Variants in FRZB observed in about 807,000 individuals in gnomAD.
The protein encoded by FRZB is secreted frizzled-related protein 3.
FRZB carries 34 observed loss-of-function variants against 32.5 expected under a neutral mutation model. The ratio of observed to expected loss-of-function variants is 1.05; its 90% CI spans 0.80 to 1.39. FRZB has a LOEUF of 1.39. Ranked by LOEUF, FRZB falls within the 40% of genes most tolerant of loss-of-function variation. The probability of loss-of-function intolerance (pLI) is 0.00; values close to 1 mark genes in which losing one functional copy is unlikely to be tolerated. For synonymous variants in FRZB, 170 were observed against 159.2 expected (o/e 1.07, Z -0.51); for missense variants, 423 against 424.8 (o/e 1.00, Z 0.04).
chr2:182,866,381 G>A lies in FRZB; in HGVS notation c.172C>T (p.His58Tyr), dbSNP rs773655736. 68 of 1,613,052 alleles carry A rather than the reference G, an allele frequency of 4.2e-5. No homozygotes were observed. Among genetic ancestry groups the A allele is most frequent in the Non-Finnish European group, 3.6e-5 (43 of 1,179,254 alleles). ...ATGGCGTTGGCCTGAGTGCTGTGGTGCAGGTGGTTGGGCATCTTAGTCATG... is the reference window on the plus strand; with the variant it reads ...ATGGCGTTGGCCTGAGTGCTGTGGTACAGGTGGTTGGGCATCTTAGTCATG... ...WNMTKMPNHLHHSTQANAILA... is the reference protein window; with the variant it reads ...WNMTKMPNHLYHSTQANAILA... The change falls in exon 1 of 6, where the codon CAC becomes TAC. Residue 58 changes from histidine (H) to tyrosine (Y), a missense_variant. His to Tyr is a moderately conservative substitution (Grantham distance 83). Transcript: ENST00000295113. The surrounding 1 kb of genome is among the most constrained non-coding windows in gnomAD (Gnocchi z 4.5).
At chr2:182,858,742 A>G in intron 2 of FRZB, 44 bp downstream of exon 2, 1 of 1,481,434 alleles carries the variant, frequency 6.8e-7, no homozygotes, top group Non-Finnish European at 9.4e-7. Flanking sequence ...ATCAATGACT[A>G]ATCTGACCAC....
intron 2 of FRZB, among the ~76,000 whole-genome samples, chr2:182,851,833 C>G (rs909148716): frequency 6.6e-6 from 1 of 152,104 alleles, no homozygotes; most frequent in Non-Finnish European, 1.5e-5. Flanking sequence ...GCTTGATGAA[C>G]TCCAACAGGA....
chr2:182,834,753 A>G lies in FRZB; in HGVS notation c.*96T>C. On this transcript the variant is annotated 3_prime_UTR_variant, in exon 6 of 6. Transcript: ENST00000295113. ...CATGATTTTTATAGTAAACAATAGA[A>G]TATGATGTGCAATAGTGCAATTTTC... The G allele has an allele frequency of 1.2e-6, 1 of 831,234 alleles. No homozygotes were observed. 51.5% of individuals were successfully genotyped at this position (831,234 alleles called of 1,614,324 possible). A position where few individuals can be genotyped will look rare whatever the true frequency, so the allele number is the denominator to read the frequency against.
chr2:182,866,136 C>T lies in FRZB; in HGVS notation c.417G>A (p.Leu139=). The T allele has an allele frequency of 6.2e-7, 1 of 1,614,066 alleles. No homozygotes were observed. The highest frequency in any genetic ancestry group is 8.5e-7 in the Non-Finnish European group (1 of 1,179,994). The change falls in exon 1 of 6, where the codon CTG becomes CTA. Residue 139 remains leucine (L), a synonymous_variant. Coordinates refer to ENST00000295113, the MANE Select transcript of FRZB (RefSeq NM_001463.4). The surrounding 1 kb of genome is among the most constrained non-coding windows in gnomAD (Gnocchi z 4.5). ...TGCACACGCCCCTGTCGTACACTGG[C>T]AGCTCCTCGCAGGCCAGGTTCTCCG... ...SWPENLACEE[L]PVYDRGVCIS...
intron 1 of FRZB, among the ~76,000 whole-genome samples, chr2:182,859,959 G>C (rs1292214030): frequency 1.3e-5 from 2 of 152,144 alleles, no homozygotes; most frequent in African/African-American, 4.8e-5. Flanking sequence ...ACAGTAACGT[G>C]CCAGTGGTTT....
intron 2 of FRZB, 79 bp from the exon 3 acceptor site, chr2:182,842,622 C>T: frequency 1.8e-6 from 2 of 1,090,194 alleles, no homozygotes; most frequent in Non-Finnish European, 2.8e-6. Context: ...ATTTTTTGCT[C>T]AGACTAGATC....
At chr2:182,838,698 T>C (rs530527579) in intron 3 of FRZB, 85 bp from the exon 4 acceptor site, 9 of 1,063,002 alleles carry the variant, frequency 8.5e-6, no homozygotes, top group African/African-American at 1.6e-5. Context: ...GGCTTCTCTT[T>C]AGTTAATTCT....
chr2:182,859,255 C>T (rs746985200), intron 1 of FRZB, among the ~76,000 whole-genome samples: 1 of 151,896 alleles, frequency 6.6e-6, no homozygotes, highest in Non-Finnish European at 1.5e-5. Context: ...TATTTAAATC[C>T]TTAGTTCCTA....
At position 182,835,541 on chromosome 2, in the gene FRZB, C is replaced by CTA. The variant is rs564810032; in HGVS notation, c.862-577_862-576insTA. On this transcript the variant is annotated intron_variant, in intron 5 of 5. Transcript: ENST00000295113. ...TGCCCTCGTTCTAAGTGTTACAAAG[C>CTA]AGGTATTAGCAATGTTTTTAATAAA... is the stretch of plus-strand genomic sequence containing the variant. Among the ~76,000 whole-genome samples the CTA allele has an allele frequency of 7.2e-4, 109 of 150,632 alleles. 1 individual carries two copies. The highest frequency in any genetic ancestry group is 2.1e-3 in the African/African-American group (86 of 41,412).
intron 3 of FRZB, among the ~76,000 whole-genome samples, chr2:182,839,260 G>T (rs972643157): frequency 2.0e-5 from 3 of 151,592 alleles, no homozygotes; most frequent in Non-Finnish European, 4.4e-5. Context: ...TTCTCCTTTA[G>T]GTGGGCTACA....
intron 2 of FRZB, among the ~76,000 whole-genome samples, chr2:182,846,750 A>G (rs1695644979): frequency 6.6e-6 from 1 of 152,234 alleles, no homozygotes; most frequent in Admixed American, 6.5e-5. Flanking sequence ...CCAGGTCCTT[A>G]ACTATGACTT....
At chr2:182,864,212 T>A (rs961522626) in intron 1 of FRZB, among the ~76,000 whole-genome samples, 2 of 152,212 alleles carry the variant, frequency 1.3e-5, no homozygotes, top group Non-Finnish European at 2.9e-5. Context: ...CCATATTGAC[T>A]ATGGCTTTTT....
intron 2 of FRZB, among the ~76,000 whole-genome samples, chr2:182,844,872 A>G (rs1695623452): frequency 6.6e-6 from 1 of 152,196 alleles, no homozygotes; most frequent in Admixed American, 6.5e-5. Context: ...CATCTGCAAT[A>G]TACTTCTTAT....
chr2:182,866,242 G>A lies in FRZB; in HGVS notation c.311C>T (p.Pro104Leu). ...GCACACAGACTTACAGGGCTTGATG[G>A]GCTCGTGCTGGAAGTCAATGGTGCA... is the stretch of plus-strand genomic sequence containing the variant. ...PICTIDFQHE[P>L]IKPCKSVCER... Residue 104 changes from proline to leucine, a missense_variant, in exon 1 of 6, where the codon CCC becomes CTC. Physicochemically the swap from Pro to Leu is moderately conservative, Grantham distance 98. Coordinates refer to ENST00000295113, the MANE Select transcript of FRZB (RefSeq NM_001463.4). The surrounding 1 kb of genome is among the most constrained non-coding windows in gnomAD (Gnocchi z 4.5). The A allele has an allele frequency of 6.2e-7, 1 of 1,614,226 alleles. No homozygotes were observed. The highest frequency in any genetic ancestry group is 2.2e-5 in the East Asian group (1 of 44,870).
intron 2 of FRZB, among the ~76,000 whole-genome samples, chr2:182,855,706 T>C (rs1015403149): frequency 1.3e-5 from 2 of 152,154 alleles, no homozygotes; most frequent in Non-Finnish European, 2.9e-5. Flanking sequence ...AAGAGACTAT[T>C]GTGTAAAAAG....
rs1190218584 is a variant in FRZB, at chr2:182,866,028, T to C, written c.478+47A>G. On this transcript the variant is annotated intron_variant, in intron 1 of 5. Coordinates refer to ENST00000295113, the MANE Select transcript of FRZB (RefSeq NM_001463.4). The surrounding 1 kb of genome is among the most constrained non-coding windows in gnomAD (Gnocchi z 4.5). ...GGCTAGTAACAAGGACTCCAAGAAT[T>C]GAGGAGGCTGTAGGGTAAGGGAAGG... The C allele has an allele frequency of 6.9e-6, 10 of 1,454,360 alleles. No homozygotes were observed. Among genetic ancestry groups the C allele is most frequent in the Non-Finnish European group, 8.5e-6 (9 of 1,054,596 alleles). 90.1% of individuals were successfully genotyped at this position (1,454,360 alleles called of 1,614,324 possible).
intron 2 of FRZB, among the ~76,000 whole-genome samples, chr2:182,844,422 T>G (rs1681845348): frequency 6.6e-6 from 1 of 152,216 alleles, no homozygotes; most frequent in Admixed American, 6.5e-5. Flanking sequence ...TAAAGAGATA[T>G]TCTTGAGATG....
chr2:182,854,955 G>C (rs2105761237), intron 2 of FRZB, among the ~76,000 whole-genome samples: 1 of 152,268 alleles, frequency 6.6e-6, no homozygotes, highest in East Asian at 1.9e-4. Flanking sequence ...GTCACCCCTG[G>C]GCATGTGTGA....
At chr2:182,864,403 CA>C (rs1171997552) in intron 1 of FRZB, among the ~76,000 whole-genome samples, 1 of 152,206 alleles carries the variant, frequency 6.6e-6, no homozygotes, top group East Asian at 1.9e-4. Context: ...CCTGGCAAAC[CA>C]GAGCGGCAAC....
Sources: allele counts gnomAD v4.1 joint callset (sites outside exome capture counted in the v4.1 genomes callset), GRCh38; gene constraint gnomAD v4.1.1; non-coding constraint Gnocchi (gnomAD v3.1); transcripts MANE v1.5; gene names NCBI Gene and HGNC (gene_info 2026-07-23, HGNC 2026-07-21).